PDE3A: variants seen among roughly 807,000 people sequenced by gnomAD.
The protein encoded by PDE3A is cGMP-inhibited 3',5'-cyclic phosphodiesterase 3A.
A neutral mutation model predicts 98.3 loss-of-function variants in PDE3A; 43 were observed. That is an observed-to-expected ratio of 0.44 (90% CI 0.34 to 0.56). The LOEUF is 0.56. Ranked by LOEUF, PDE3A falls within the 20% of genes least tolerant of loss-of-function variation. The pLI is 0.01. For missense variants in PDE3A, 1,427 were observed against 1,440.7 expected (o/e 0.99, Z 0.15); for synonymous variants, 663 against 567.9 (o/e 1.17, Z -2.38).
rs771033772 is a variant in PDE3A at position 20,680,309 on chromosome 12, CT to C, written c.*40del. ...TGGGCTGTGTTTCCAAACAGATTGA[CT>C]TGTCAAAGACTCTCTTCAAGCCAGC... On this transcript the variant is annotated 3_prime_UTR_variant, in exon 16 of 16. Transcript: ENST00000359062. The C allele has an allele frequency of 2.5e-6, 4 of 1,607,128 alleles. No homozygotes were observed. In the African/African-American group the frequency reaches 5.4e-5, roughly 22 times the overall value.
At chr12:20,667,757 T>C (rs1431539639) in intron 15 of PDE3A, among the ~76,000 whole-genome samples, 3 of 152,202 alleles carry the variant, frequency 2.0e-5, no homozygotes, top group Non-Finnish European at 4.4e-5. Flanking sequence ...TCAAGCTCTT[T>C]TTTGGTTCCA....
At position 20,554,228 on chromosome 12, in the gene PDE3A, G is replaced by GT. The variant is rs532337613; in HGVS notation, c.961-2424dup. On this transcript the variant is annotated intron_variant, in intron 1 of 15. Transcript: ENST00000359062. The stretch of plus-strand genomic sequence containing the variant: ...ACTGGAGCAATGTTATTTTTAAAGG[G>GT]TTTTTTTTCACCTCCTTATTCTTAG... 5.3e-3 allele frequency among the ~76,000 whole-genome samples: 794 copies of GT among 150,398 alleles called. 8 individuals carry two copies. The highest frequency in any genetic ancestry group is 0.019 in the African/African-American group (763 of 41,128).
chr12:20,437,053 TTGTG>T (rs57301891), intron 1 of PDE3A, among the ~76,000 whole-genome samples: 98,388 of 149,826 alleles, frequency 0.66, 33,053 homozygotes, highest in South Asian at 0.79. Context: ...AAATTTAAGA[TTGTG>T]TGTGTGTGTG....
intron 1 of PDE3A, among the ~76,000 whole-genome samples, chr12:20,530,991 T>C (rs1941582275): frequency 6.6e-6 from 1 of 152,174 alleles, no homozygotes; most frequent in Non-Finnish European, 1.5e-5. Context: ...CTTATGATAA[T>C]CCAGAGGTCT....
intron 1 of PDE3A, among the ~76,000 whole-genome samples, chr12:20,484,859 GATTT>G (rs1261681794): frequency 1.3e-5 from 2 of 152,068 alleles, no homozygotes; most frequent in South Asian, 2.1e-4. Flanking sequence ...CATCTTCAAA[GATTT>G]ATTTATTTAT....
chr12:20,529,120 T>G (rs2121179750), intron 1 of PDE3A, among the ~76,000 whole-genome samples: 1 of 152,230 alleles, frequency 6.6e-6, no homozygotes, highest in East Asian at 1.9e-4. Flanking sequence ...GTCCCAAATC[T>G]CTAAATAAAA....
chr12:20,680,541 C>A lies in PDE3A; in HGVS notation c.*270C>A. 2.8e-6 allele frequency: 1 copy of A among 357,922 alleles called. No individual in the cohort carries two copies. The highest frequency in any genetic ancestry group is 4.3e-5 in the South Asian group (1 of 23,506). The allele number at this position is 357,922 out of a possible 1,614,324, so 22.2% of individuals were successfully genotyped here. A position where few individuals can be genotyped will look rare whatever the true frequency, so the allele number is the denominator to read the frequency against. ...ATGTGTGTGTGTATATAAGCTCCCA[C>A]ATAGATACATGTAAAACATATTCAC... On this transcript the variant is annotated 3_prime_UTR_variant, in exon 16 of 16. Coordinates refer to ENST00000359062, the MANE Select transcript of PDE3A (RefSeq NM_000921.5).
At chr12:20,389,959 G>C (rs1253256595) in intron 1 of PDE3A, among the ~76,000 whole-genome samples, 1 of 151,894 alleles carries the variant, frequency 6.6e-6, no homozygotes, top group Non-Finnish European at 1.5e-5. Context: ...AAAACCCAGT[G>C]TATTCGTAAA....
chr12:20,510,615 A>G (rs1946203627), intron 1 of PDE3A, among the ~76,000 whole-genome samples: 1 of 152,084 alleles, frequency 6.6e-6, no homozygotes, highest in South Asian at 2.1e-4. Flanking sequence ...TGATGAAACT[A>G]TATATTGGAA....
At chr12:20,634,563 GT>G (rs1944455532) in intron 7 of PDE3A, among the ~76,000 whole-genome samples, 2 of 152,124 alleles carry the variant, frequency 1.3e-5, no homozygotes. Context: ...GTTCTAGAGT[GT>G]TTTAGTCACT....
chr12:20,453,228 CAGT>C (rs1945098184), intron 1 of PDE3A, among the ~76,000 whole-genome samples: 2 of 141,508 alleles, frequency 1.4e-5, no homozygotes, highest in Non-Finnish European at 3.0e-5. Flanking sequence ...GGCTGGAGTG[CAGT>C]GGCAAGATCT....
intron 1 of PDE3A, among the ~76,000 whole-genome samples, chr12:20,370,573 A>C (rs1943454602): frequency 6.6e-6 from 1 of 152,072 alleles, no homozygotes; most frequent in Non-Finnish European, 1.5e-5. Flanking sequence ...TACTCTTTTC[A>C]GTACTCTTAC....
chr12:20,625,375 G>A (rs115610142), intron 5 of PDE3A, among the ~76,000 whole-genome samples: 1,618 of 152,062 alleles, frequency 0.011, 23 homozygotes, highest in African/African-American at 0.036. Flanking sequence ...GTCCTTTCCC[G>A]GATTCTTGTA....
chr12:20,456,089 G>A (rs1945146987), intron 1 of PDE3A, among the ~76,000 whole-genome samples: 1 of 152,062 alleles, frequency 6.6e-6, no homozygotes, highest in Non-Finnish European at 1.5e-5. Context: ...CCAGGACGTC[G>A]CGACAACCTG....
chr12:20,633,700 A>G lies in PDE3A; in HGVS notation c.1768A>G (p.Arg590Gly). Residue 590 changes from arginine (R) to glycine (G), a missense_variant, in exon 7 of 16, where the codon AGA (arginine) becomes GGA (glycine). Physicochemically the swap from Arg to Gly is moderately radical, Grantham distance 125 (BLOSUM62 -2). This residue lies in a region of PDE3A where 1,012 missense variants were observed against 886.5 expected (regional missense o/e 1.14). Transcript: ENST00000359062. ...TCTTCCAATATTTTTTAGCTGTGGC[A>G]GACCATATTCCCAAGGGAATCCTGC... ...TPPVICSSCG[R>G]PYSQGNPADE... 6.2e-7 allele frequency: 1 copy of G among 1,606,002 alleles called. No individual in the cohort carries two copies. Among genetic ancestry groups the G allele is most frequent in the East Asian group, 2.2e-5 (1 of 44,674 alleles).
rs534223051 is a variant in PDE3A, at chr12:20,442,696, T to A, written c.960+72452T>A. Among the ~76,000 whole-genome samples, 11 of 152,342 alleles carry A rather than the reference T, an allele frequency of 7.2e-5. No individual in the cohort carries two copies. The South Asian group carries it at 2.3e-3, about 32-fold the overall frequency. The stretch of plus-strand genomic sequence containing the variant: ...TATGTTCACTAGTAGTTTGTAATAG[T>A]GTCGAGTCAAATGTAGCAGTTTGGA... On this transcript the variant is annotated intron_variant, in intron 1 of 15. Transcript: ENST00000359062.
At chr12:20,370,908 A>G (rs938786192) in intron 1 of PDE3A, among the ~76,000 whole-genome samples, 1 of 152,202 alleles carries the variant, frequency 6.6e-6, no homozygotes, top group Admixed American at 6.5e-5. Context: ...ACAAACTTCA[A>G]CTTGGGGAAT....
chr12:20,553,872 C>T (rs1487103538), intron 1 of PDE3A, among the ~76,000 whole-genome samples: 1 of 151,738 alleles, frequency 6.6e-6, no homozygotes, highest in South Asian at 2.1e-4. Flanking sequence ...CTAGAAACTG[C>T]GGTCATCCAG....
intron 1 of PDE3A, among the ~76,000 whole-genome samples, chr12:20,492,413 TA>T (rs11315745): frequency 0.96 from 146,819 of 152,200 alleles, 70,853 homozygotes; most frequent in East Asian, 1. Flanking sequence ...CTGTCTGCTA[TA>T]TGTATGAGTC....
Sources: allele counts gnomAD v4.1 joint callset (sites outside exome capture counted in the v4.1 genomes callset), GRCh38; gene constraint gnomAD v4.1.1; regional missense constraint gnomAD v4.1.1; transcripts MANE v1.5; gene names NCBI Gene and HGNC (gene_info 2026-07-23, HGNC 2026-07-21).